Variants in FHIP2A observed in about 807,000 individuals in gnomAD.
FHIP2A encodes family with sequence similarity 160 member B1.
A neutral mutation model predicts 93.5 loss-of-function variants in FHIP2A; 46 were observed. The ratio of observed to expected loss-of-function variants is 0.49; its 90% confidence interval spans 0.39 to 0.63. The LOEUF is 0.63. FHIP2A is among the 20% of genes least tolerant of loss of function. The pLI is 0.00. For synonymous variants in FHIP2A, 332 were observed against 326.5 expected (o/e 1.02, Z -0.18); for missense variants, 769 against 909.7 (o/e 0.85, Z 1.99).
chr10:114,861,606 T>G lies in FHIP2A; in HGVS notation c.*66T>G. On this transcript the variant is annotated 3_prime_UTR_variant, in exon 17 of 17. Transcript: ENST00000369248. ...TACATTTCACCAAAAAAGACTCAGT[T>G]CCACCCAGCCACAAGAGGATAAAAA... is the stretch of plus-strand genomic sequence containing the variant. The G allele has an allele frequency of 1.3e-6, 2 of 1,575,072 alleles. No individual in the cohort carries two copies. Among genetic ancestry groups the G allele is most frequent in the Non-Finnish European group, 8.6e-7 (1 of 1,163,882 alleles).
At position 114,822,746 on chromosome 10, in the gene FHIP2A, G is replaced by A. The variant is rs186437915; in HGVS notation, c.45+623G>A. 5.9e-5 allele frequency among the ~76,000 whole-genome samples: 9 copies of A among 152,302 alleles called. No individual in the cohort carries two copies. The East Asian group carries it at 1.4e-3, about 23-fold the overall frequency. ...GAACCTTATGTATTGATCTGAAATA[G>A]GAGTTTGGAGGGTCCAGTCGAGTTT... On this transcript the variant is annotated intron_variant, in intron 1 of 16. Transcript: ENST00000369248.
chr10:114,861,310 T>G lies in FHIP2A; in HGVS notation c.2168T>G (p.Leu723Arg). ...CTTCTGTTAGTCAGAAAGCGGTTACTTGGTTTGGAACCTGAAGGCCCTATG... is the reference window on the plus strand; with the variant it reads ...CTTCTGTTAGTCAGAAAGCGGTTACGTGGTTTGGAACCTGAAGGCCCTATG... Reference protein sequence around the residue: ...PKLLLVRKRLLGLEPEGPIID... With the variant: ...PKLLLVRKRLRGLEPEGPIID... Residue 723 changes from leucine to arginine, a missense_variant, in exon 16 of 17, where the codon CTT becomes CGT. By Grantham distance (102) the Leu-to-Arg change is moderately radical. Coordinates refer to ENST00000369248, the MANE Select transcript of FHIP2A (RefSeq NM_020940.4). 1 of 1,614,238 alleles carries G rather than the reference T, an allele frequency of 6.2e-7. No individual in the cohort carries two copies. The highest frequency in any genetic ancestry group is 8.5e-7 in the Non-Finnish European group (1 of 1,180,034).
At chr10:114,840,632 T>C (rs1421346925) in intron 5 of FHIP2A, among the ~76,000 whole-genome samples, 5 of 152,164 alleles carry the variant, frequency 3.3e-5, no homozygotes, top group African/African-American at 7.2e-5. Flanking sequence ...TGGAATGAAA[T>C]GCGTAACTTC....
chr10:114,841,702 T>C (rs983661092), intron 5 of FHIP2A, among the ~76,000 whole-genome samples: 3 of 152,210 alleles, frequency 2.0e-5, no homozygotes, highest in Admixed American at 1.3e-4. Flanking sequence ...AGAAGATTGG[T>C]CTAACCTATA....
intron 5 of FHIP2A, among the ~76,000 whole-genome samples, chr10:114,839,597 G>A (rs1012469525): frequency 2.6e-5 from 4 of 152,032 alleles, no homozygotes; most frequent in East Asian, 1.9e-4. Context: ...AGTCTTTGCC[G>A]GCCGGGCGCG....
At chr10:114,870,193 T>G (rs1346516945) in intron 16 of FHIP2A, among the ~76,000 whole-genome samples, 1 of 152,178 alleles carries the variant, frequency 6.6e-6, no homozygotes. Context: ...TACCATTAAC[T>G]TCTTCTAACA....
Position 114,863,300 on chromosome 10 carries a change from G to T in FHIP2A, c.*1760G>T. The stretch of plus-strand genomic sequence containing the variant: ...GAAAACTTCGACATTTACATTTCTA[G>T]ATGTAGTAACAGTCTACTTTGATAT... On this transcript the variant is annotated 3_prime_UTR_variant, in exon 17 of 17. Transcript: ENST00000369248. 1.0e-6 allele frequency: 1 copy of T among 979,074 alleles called. No homozygotes were observed. Among genetic ancestry groups the T allele is most frequent in the African/African-American group, 1.7e-5 (1 of 57,148 alleles). The allele number at this position is 979,074 out of a possible 1,614,324, so 60.6% of individuals were successfully genotyped here.
downstream of FHIP2A, among the ~76,000 whole-genome samples, chr10:114,866,264 G>C (rs1332898401): frequency 6.6e-6 from 1 of 152,104 alleles, no homozygotes; most frequent in Non-Finnish European, 1.5e-5. Context: ...ATGGCCTCCA[G>C]CTCTATCCAT....
intron 16 of FHIP2A, among the ~76,000 whole-genome samples, chr10:114,894,674 C>T (rs571400875): frequency 6.6e-6 from 1 of 152,158 alleles, no homozygotes; most frequent in South Asian, 2.1e-4. Flanking sequence ...ACTGTGTTTT[C>T]CTATCAAGTA....
chr10:114,864,621 C>G lies in FHIP2A; in HGVS notation c.*3081C>G. 1.0e-6 allele frequency: 1 copy of G among 985,772 alleles called. No individual in the cohort carries two copies. 61.1% of individuals were successfully genotyped at this position (985,772 alleles called of 1,614,324 possible). On this transcript the variant is annotated 3_prime_UTR_variant, in exon 17 of 17. Transcript: ENST00000369248. The stretch of plus-strand genomic sequence containing the variant: ...GGTCATTGTGTACCTACTCTCTCTT[C>G]AAAGGAAGTTGTGATCAAGTTCAAC...
At chr10:114,878,607 C>T (rs1464176372) in intron 16 of FHIP2A, among the ~76,000 whole-genome samples, 1 of 151,906 alleles carries the variant, frequency 6.6e-6, no homozygotes, top group African/African-American at 2.4e-5. Context: ...GGCGAAACCC[C>T]GTCTCTACTA....
At position 114,821,963 on chromosome 10, in the gene FHIP2A, G is replaced by T. The variant is rs1439562220; in HGVS notation, c.-116G>T. The stretch of plus-strand genomic sequence containing the variant: ...CCTCGATCCTCAGCTCGTCCTCCCC[G>T]CCCCGCACCGGCCTTCACTCTGGAG... On this transcript the variant is annotated 5_prime_UTR_variant, in exon 1 of 17. Transcript: ENST00000369248. 3 of 533,972 alleles carry T rather than the reference G, an allele frequency of 5.6e-6. No individual in the cohort carries two copies. The highest frequency in any genetic ancestry group is 8.4e-5 in the South Asian group (1 of 11,858). The allele number at this position is 533,972 out of a possible 1,614,324, so 33.1% of individuals were successfully genotyped here.
rs1039371010 is a variant in FHIP2A, at chr10:114,848,557, T to C, written c.1713-90T>C. ...TAAAGTTATTATTGAATTATGAGAGTATTGATTATGGTCTTTTTCACTTCT... is the reference window on the plus strand; with the variant it reads ...TAAAGTTATTATTGAATTATGAGAGCATTGATTATGGTCTTTTTCACTTCT... On this transcript the variant is annotated intron_variant, in intron 12 of 16. Transcript: ENST00000369248. 1.8e-5 allele frequency: 13 copies of C among 708,554 alleles called. No homozygotes were observed. In the Middle Eastern group the frequency reaches 1.7e-3, roughly 92 times the overall value. 43.9% of individuals were successfully genotyped at this position (708,554 alleles called of 1,614,324 possible). A position where few individuals can be genotyped will look rare whatever the true frequency, so the allele number is the denominator to read the frequency against.
At chr10:114,824,283 G>C (rs1033914581) in intron 1 of FHIP2A, among the ~76,000 whole-genome samples, 1 of 152,090 alleles carries the variant, frequency 6.6e-6, no homozygotes, top group African/African-American at 2.4e-5. Context: ...TGCTCTCCTA[G>C]TAAAGGCTCA....
At chr10:114,872,606 T>C (rs898670926) in intron 16 of FHIP2A, among the ~76,000 whole-genome samples, 1 of 152,222 alleles carries the variant, frequency 6.6e-6, no homozygotes, top group African/African-American at 2.4e-5. Context: ...TTTGTAGTCA[T>C]AATTACTACT....
intron 5 of FHIP2A, among the ~76,000 whole-genome samples, chr10:114,839,523 A>G (rs914996596): frequency 4.6e-5 from 7 of 152,152 alleles, no homozygotes; most frequent in East Asian, 3.8e-4. Flanking sequence ...TTCTCTATTC[A>G]TTACTGTCAG....
intron 1 of FHIP2A, among the ~76,000 whole-genome samples, chr10:114,828,633 T>TA (rs1199781413): frequency 6.6e-6 from 1 of 152,230 alleles, no homozygotes; most frequent in Non-Finnish European, 1.5e-5. Flanking sequence ...AACTTTTTTT[T>TA]ATCTAAACAT....
chr10:114,825,559 ACT>A (rs1395857202), intron 1 of FHIP2A, among the ~76,000 whole-genome samples: 1 of 152,230 alleles, frequency 6.6e-6, no homozygotes. Context: ...AAAAACAAGA[ACT>A]GTAATGTAAC....
At chr10:114,866,335 A>G (rs1035903587), downstream of FHIP2A, among the ~76,000 whole-genome samples, 23 of 152,142 alleles carry the variant, frequency 1.5e-4, no homozygotes, top group Non-Finnish European at 1.8e-4. Context: ...CACGGTGTAT[A>G]TACACTACAT....
Sources: allele counts gnomAD v4.1 joint callset (sites outside exome capture counted in the v4.1 genomes callset), GRCh38; gene constraint gnomAD v4.1.1; transcripts MANE v1.5; gene names NCBI Gene and HGNC (gene_info 2026-07-23, HGNC 2026-07-21).